The following ZDHHC18 variants were observed in gnomAD, a reference collection of about 807,000 sequenced individuals.
The protein encoded by ZDHHC18 is zDHHC palmitoyltransferase 18, also known as palmitoyltransferase ZDHHC18.
ZDHHC18 carries 23 observed loss-of-function variants against 37.5 expected under a neutral mutation model. That is an observed-to-expected ratio of 0.61 (90% CI 0.44 to 0.87). ZDHHC18 has a LOEUF of 0.87. ZDHHC18 is among the 40% of genes least tolerant of loss of function. The pLI is 0.00. For synonymous variants in ZDHHC18, 185 were observed against 218.7 expected (o/e 0.85, Z 1.36); for missense variants, 406 against 525.6 (o/e 0.77, Z 2.22).
intron 5 of ZDHHC18, 69 bp from the exon 6 acceptor site, chr1:26,851,060 G>A: frequency 7.0e-7 from 1 of 1,427,214 alleles, no homozygotes; most frequent in African/African-American, 1.4e-5. Flanking sequence ...GGAAGGATAG[G>A]TGAGACAGGC....
At chr1:26,840,283 A>G (rs1217779282) in intron 2 of ZDHHC18, among the ~76,000 whole-genome samples, 2 of 152,142 alleles carry the variant, frequency 1.3e-5, no homozygotes, top group Non-Finnish European at 2.9e-5. Context: ...TCATAACTCC[A>G]TTGTTTGTTT....
chr1:26,848,594 C>A lies in ZDHHC18; in HGVS notation c.497-14C>A. 1 of 1,604,842 alleles carries A rather than the reference C, an allele frequency of 6.2e-7. No individual in the cohort carries two copies. The highest frequency in any genetic ancestry group is 1.1e-5 in the South Asian group (1 of 90,928). ...CCTTGGGCATTCCCCATCTTTCTCT[C>A]CTCCTTCCCTCAGACAACACAGGCA... On this transcript the variant is annotated splice_polypyrimidine_tract_variant and intron_variant, in intron 2 of 7. Transcript: ENST00000374142.
Position 26,855,543 on chromosome 1 carries a change from A to G in ZDHHC18, c.*1700A>G, listed in dbSNP as rs540386303. 2.1e-3 allele frequency: 328 copies of G among 152,850 alleles called. 1 individual carries two copies. The highest frequency in any genetic ancestry group is 3.6e-3 in the Non-Finnish European group (248 of 68,124). The allele number at this position is 152,850 out of a possible 1,614,324, so 9.5% of individuals were successfully genotyped here. On this transcript the variant is annotated 3_prime_UTR_variant, in exon 8 of 8. Coordinates refer to ENST00000374142, the MANE Select transcript of ZDHHC18 (RefSeq NM_032283.3). ...TCACAGACAGCTGGGAATGGCAGCC[A>G]CAGAGGGTCCCCTCTGGGAGAAACA...
chr1:26,845,059 T>C (rs1035285561), intron 2 of ZDHHC18, among the ~76,000 whole-genome samples: 1 of 151,926 alleles, frequency 6.6e-6, no homozygotes, highest in African/African-American at 2.4e-5. Flanking sequence ...TAGCTGGGAT[T>C]ACTTACAGGC....
At chr1:26,849,720 A>G (rs1360500450) in intron 3 of ZDHHC18, among the ~76,000 whole-genome samples, 2 of 152,274 alleles carry the variant, frequency 1.3e-5, no homozygotes, top group East Asian at 1.9e-4. Context: ...TGTGAACCCC[A>G]TTGCAGCTCA....
rs2081701684 is a variant in ZDHHC18 at position 26,851,119 on chromosome 1, C to T, written c.834-10C>T. On this transcript the variant is annotated splice_polypyrimidine_tract_variant and intron_variant, in intron 5 of 7. Transcript: ENST00000374142. Reference sequence around the variant, plus strand: ...ACCCTCCACCCATTGAAGTCCTTAACTGCCCTCACCGTGCTGGAGTTGGTG... The same window carrying T: ...ACCCTCCACCCATTGAAGTCCTTAATTGCCCTCACCGTGCTGGAGTTGGTG... 4.3e-6 allele frequency: 7 copies of T among 1,613,786 alleles called. No individual in the cohort carries two copies. In the Middle Eastern group the frequency reaches 4.9e-4, roughly 114 times the overall value.
chr1:26,831,275 C>A (rs2081587816), intron 1 of ZDHHC18, among the ~76,000 whole-genome samples: 1 of 151,690 alleles, frequency 6.6e-6, no homozygotes, highest in Non-Finnish European at 1.5e-5. Flanking sequence ...TAGGAGAGAG[C>A]CAGGCTTGTT....
At chr1:26,852,524 C>A (rs750895453) in intron 6 of ZDHHC18, among the ~76,000 whole-genome samples, 1 of 152,198 alleles carries the variant, frequency 6.6e-6, no homozygotes, top group Non-Finnish European at 1.5e-5. Context: ...CGAAACGTTT[C>A]CTCTGGATGC....
rs1553158074 is a variant in ZDHHC18 at position 26,846,215 on chromosome 1, C to CATATATATGTCT, written c.497-2383_497-2382insCTATATATATGT. On this transcript the variant is annotated intron_variant, in intron 2 of 7. Transcript: ENST00000374142. ...ATACATACATATATACACGTATATA[C>CATATATATGTCT]ATATATATGTGTATATAGAGAGAGA... Among the ~76,000 whole-genome samples, 4 of 57,040 alleles carry CATATATATGTCT rather than the reference C, an allele frequency of 7.0e-5. 1 individual carries two copies. Among genetic ancestry groups the CATATATATGTCT allele is most frequent in the African/African-American group, 3.6e-4 (4 of 11,178 alleles). 37.4% of individuals were successfully genotyped at this position (57,040 alleles called of 152,430 possible).
chr1:26,850,636 G>T lies in ZDHHC18; in HGVS notation c.833+30G>T, dbSNP rs768961999. 1.2e-6 allele frequency: 2 copies of T among 1,613,418 alleles called. No individual in the cohort carries two copies. The highest frequency in any genetic ancestry group is 1.3e-5 in the African/African-American group (1 of 74,930). On this transcript the variant is annotated intron_variant, in intron 5 of 7. Coordinates refer to ENST00000374142, the MANE Select transcript of ZDHHC18 (RefSeq NM_032283.3). The surrounding 1 kb of genome is among the most constrained non-coding windows in gnomAD (Gnocchi z 6.1). ...CCTTTGTCAGCTAGAGGACACTCCA[G>T]TGGGAACTGAGGTCCCTTCACTGGG...
chr1:26,827,153 C>T lies in ZDHHC18; in HGVS notation c.335+14C>T. The T allele has an allele frequency of 1.5e-6, 2 of 1,379,206 alleles. No homozygotes were observed. The highest frequency in any genetic ancestry group is 9.3e-7 in the Non-Finnish European group (1 of 1,070,372). 85.4% of individuals were successfully genotyped at this position (1,379,206 alleles called of 1,614,324 possible). On this transcript the variant is annotated intron_variant, in intron 1 of 7. Coordinates refer to ENST00000374142, the MANE Select transcript of ZDHHC18 (RefSeq NM_032283.3). ...CTTCGTCTTTGAGTGAGTTCCGCTG[C>T]CTCGGCGCCCCCTCCCAGCCCCCTG...
intron 2 of ZDHHC18, among the ~76,000 whole-genome samples, chr1:26,847,232 G>T (rs1463614640): frequency 6.6e-6 from 1 of 151,894 alleles, no homozygotes; most frequent in Non-Finnish European, 1.5e-5. Flanking sequence ...TAGAGACAGG[G>T]TCTTGCTCTG....
chr1:26,832,376 C>A, intron 1 of ZDHHC18, 71 bp from the exon 2 acceptor site: 1 of 1,573,416 alleles, frequency 6.4e-7, no homozygotes, highest in African/African-American at 1.4e-5. Flanking sequence ...CAGCGCCTGC[C>A]ACGTGCTGTA....
chr1:26,846,663 A>T (rs565665524), intron 2 of ZDHHC18, among the ~76,000 whole-genome samples: 3 of 152,036 alleles, frequency 2.0e-5, no homozygotes, highest in Non-Finnish European at 4.4e-5. Context: ...CAGAAAAAGC[A>T]GGAAGGATTA....
intron 2 of ZDHHC18, among the ~76,000 whole-genome samples, chr1:26,844,782 T>A (rs1422753124): frequency 6.6e-6 from 1 of 152,230 alleles, no homozygotes; most frequent in Non-Finnish European, 1.5e-5. Context: ...GACTAATGAA[T>A]ATAAGCACTT....
intron 1 of ZDHHC18, among the ~76,000 whole-genome samples, chr1:26,827,889 C>G (rs987101975): frequency 2.5e-4 from 38 of 152,314 alleles, no homozygotes; most frequent in African/African-American, 8.9e-4. Context: ...GCTCCCAGGC[C>G]CCTGGCCCCC....
chr1:26,827,440 G>A (rs923329146), intron 1 of ZDHHC18, among the ~76,000 whole-genome samples: 1 of 151,680 alleles, frequency 6.6e-6, no homozygotes, highest in Non-Finnish European at 1.5e-5. Context: ...CCACTGCCAG[G>A]AACACCAGCC....
intron 2 of ZDHHC18, among the ~76,000 whole-genome samples, chr1:26,835,525 A>G (rs2081607404): frequency 6.6e-6 from 1 of 151,948 alleles, no homozygotes; most frequent in South Asian, 2.1e-4. Flanking sequence ...ACATGGTGAA[A>G]CCCTGTCTCT....
At position 26,833,886 on chromosome 1, in the gene ZDHHC18, G is replaced by A. The variant is rs546107372; in HGVS notation, c.496+1279G>A. ...ACTAATACTCTGTGCAGCAGGGAGG[G>A]AGGGAGGGCGAGCAGCTGGAGAGGA... is the stretch of plus-strand genomic sequence containing the variant. On this transcript the variant is annotated intron_variant, in intron 2 of 7. Coordinates refer to ENST00000374142, the MANE Select transcript of ZDHHC18 (RefSeq NM_032283.3). Among the ~76,000 whole-genome samples, 410 of 152,258 alleles carry A rather than the reference G, an allele frequency of 2.7e-3. 2 individuals are homozygous for A. The highest frequency in any genetic ancestry group is 5.0e-3 in the Non-Finnish European group (339 of 68,004).
Sources: allele counts gnomAD v4.1 joint callset (sites outside exome capture counted in the v4.1 genomes callset), GRCh38; gene constraint gnomAD v4.1.1; non-coding constraint Gnocchi (gnomAD v3.1); transcripts MANE v1.5; gene names NCBI Gene and HGNC (gene_info 2026-07-23, HGNC 2026-07-21).